The following KIAA1549L variants were observed in gnomAD, a reference collection of about 807,000 sequenced individuals.
KIAA1549L encodes the protein UPF0606 protein KIAA1549L.
In KIAA1549L, 88 loss-of-function variants were observed where a neutral mutation model predicts 160.7. The observed-to-expected ratio is 0.55, with a 90% CI of 0.46 to 0.65. The LOEUF (loss-of-function observed/expected upper bound fraction) is 0.65. Ranked by LOEUF, KIAA1549L falls within the 30% of genes least tolerant of loss-of-function variation. The probability of loss-of-function intolerance (pLI) is 0.00; values close to 1 mark genes in which losing one functional copy is unlikely to be tolerated. For missense variants in KIAA1549L, 2,258 were observed against 2,437.5 expected (o/e 0.93, Z 1.55); for synonymous variants, 950 against 976.7 (o/e 0.97, Z 0.51).
chr11:33,540,698 C>G (rs757328106), intron 1 of KIAA1549L, among the ~76,000 whole-genome samples: 8 of 152,172 alleles, frequency 5.3e-5, no homozygotes, highest in South Asian at 2.1e-4. Flanking sequence ...TGTCTTGGAG[C>G]TATATATGCA....
chr11:33,424,022 C>G (rs947108435), intron 1 of KIAA1549L, among the ~76,000 whole-genome samples: 2 of 143,886 alleles, frequency 1.4e-5, no homozygotes, highest in African/African-American at 5.9e-5. Flanking sequence ...GAATGAGGCT[C>G]TGTCTTGGAA....
Position 33,557,779 on chromosome 11 carries a change from C to T in KIAA1549L, c.3856-1970C>T, listed in dbSNP as rs2133211243. The stretch of plus-strand genomic sequence containing the variant: ...GCGTGTGCCTGTAGTCCCAGCTATC[C>T]AGGAGGCTGAGGTGGGAGGATCGCT... On this transcript the variant is annotated intron_variant, in intron 6 of 20. Transcript: ENST00000658780. 2.0e-5 allele frequency among the ~76,000 whole-genome samples: 3 copies of T among 152,074 alleles called. No individual in the cohort carries two copies. The South Asian group carries it at 6.2e-4, about 32-fold the overall frequency.
At chr11:33,399,450 CT>C (rs1288948169) in intron 1 of KIAA1549L, among the ~76,000 whole-genome samples, 2 of 152,202 alleles carry the variant, frequency 1.3e-5, no homozygotes, top group Non-Finnish European at 2.9e-5. Flanking sequence ...TTTTTATCCT[CT>C]GTTAGTTTTC....
intron 1 of KIAA1549L, among the ~76,000 whole-genome samples, chr11:33,451,693 A>G (rs1203908551): frequency 2.0e-5 from 3 of 152,228 alleles, no homozygotes; most frequent in African/African-American, 7.2e-5. Flanking sequence ...CTCCTAAGCT[A>G]TGTTTCAACA....
chr11:33,611,777 G>A (rs550776405), intron 15 of KIAA1549L, among the ~76,000 whole-genome samples: 2 of 152,186 alleles, frequency 1.3e-5, no homozygotes, highest in Admixed American at 1.3e-4. Flanking sequence ...TGAGAGGTGG[G>A]GCTAAATTTT....
At chr11:33,449,327 G>A (rs1246727031) in intron 1 of KIAA1549L, among the ~76,000 whole-genome samples, 1 of 151,746 alleles carries the variant, frequency 6.6e-6, no homozygotes, top group Non-Finnish European at 1.5e-5. Flanking sequence ...TTACATTTTA[G>A]TGTCTATTAT....
At chr11:33,660,468 C>T (rs183144842) in intron 19 of KIAA1549L, among the ~76,000 whole-genome samples, 52 of 152,124 alleles carry the variant, frequency 3.4e-4, no homozygotes, top group Non-Finnish European at 6.5e-4. Flanking sequence ...AGGAGGCTGA[C>T]GCAGGAGAGT....
Position 33,418,402 on chromosome 11 carries a change from A to G in KIAA1549L, c.238+41513A>G, listed in dbSNP as rs192083245. ...CCTGGCATGGGGTCTGGGCACTAGG[A>G]GGTAGGTATGCTAGAGGAGATGGCA... is the stretch of plus-strand genomic sequence containing the variant. On this transcript the variant is annotated intron_variant, in intron 1 of 20. Transcript: ENST00000658780. Among the ~76,000 whole-genome samples, 31 of 152,156 alleles carry G rather than the reference A, an allele frequency of 2.0e-4. 1 individual carries two copies. The highest frequency in any genetic ancestry group is 6.7e-4 in the African/African-American group (28 of 41,496).
At chr11:33,520,743 CCTCT>C (rs1234876166) in intron 1 of KIAA1549L, among the ~76,000 whole-genome samples, 1 of 101,834 alleles carries the variant, frequency 9.8e-6, no homozygotes, top group African/African-American at 3.4e-5. Context: ...ACACACACTC[CCTCT>C]CTCTCCCCCT....
intron 13 of KIAA1549L, among the ~76,000 whole-genome samples, chr11:33,605,985 C>A (rs374349933): frequency 6.6e-6 from 1 of 152,174 alleles, no homozygotes; most frequent in Non-Finnish European, 1.5e-5. Context: ...TTTAACAGAG[C>A]GTAGGTAGAA....
intron 1 of KIAA1549L, among the ~76,000 whole-genome samples, chr11:33,398,897 GT>G: frequency 6.6e-6 from 1 of 151,028 alleles, no homozygotes; most frequent in South Asian, 2.1e-4. Context: ...ATCAGTTATA[GT>G]CTGAATTGTC....
intron 13 of KIAA1549L, among the ~76,000 whole-genome samples, chr11:33,601,712 A>G (rs1850364200): frequency 6.6e-6 from 1 of 152,224 alleles, no homozygotes; most frequent in Admixed American, 6.5e-5. Context: ...CTGTTATTCT[A>G]AAACTGTTCT....
chr11:33,485,438 A>G (rs1005853567), intron 1 of KIAA1549L, among the ~76,000 whole-genome samples: 3 of 152,206 alleles, frequency 2.0e-5, no homozygotes, highest in Non-Finnish European at 4.4e-5. Context: ...TTAAAGAATA[A>G]GTGATTTTCA....
At chr11:33,483,886 T>C (rs74507018) in intron 1 of KIAA1549L, among the ~76,000 whole-genome samples, 2,828 of 152,316 alleles carry the variant, frequency 0.019, 77 homozygotes, top group African/African-American at 0.062. Flanking sequence ...AATCTTGATA[T>C]GTCTTTATCA....
chr11:33,579,846 C>T lies in KIAA1549L; in HGVS notation c.4403-3492C>T, dbSNP rs150199581. 2.6e-3 allele frequency among the ~76,000 whole-genome samples: 401 copies of T among 152,126 alleles called. 2 individuals are homozygous for T. The highest frequency in any genetic ancestry group is 8.9e-3 in the African/African-American group (370 of 41,484). ...TGTCCACCCCAGGAGCTGATGAGGA[C>T]GAAGATAAGGCCAATGAAGGAGAAG... On this transcript the variant is annotated intron_variant, in intron 10 of 20. Coordinates refer to ENST00000658780, the MANE Select transcript of KIAA1549L (RefSeq NM_012194.3).
chr11:33,622,118 C>T (rs1460275591), intron 16 of KIAA1549L, among the ~76,000 whole-genome samples: 1 of 152,192 alleles, frequency 6.6e-6, no homozygotes, highest in East Asian at 1.9e-4. Flanking sequence ...AAGAGGCGAT[C>T]ACAGTCATTA....
chr11:33,570,316 C>T (rs1022943628), intron 9 of KIAA1549L, among the ~76,000 whole-genome samples: 1 of 152,106 alleles, frequency 6.6e-6, no homozygotes. Context: ...CTCATTTCTT[C>T]TAAGAGCTCA....
intron 1 of KIAA1549L, among the ~76,000 whole-genome samples, chr11:33,526,537 G>T (rs1012122190): frequency 6.6e-5 from 10 of 152,150 alleles, no homozygotes; most frequent in African/African-American, 2.4e-4. Context: ...CTGGAGTCTG[G>T]TAGCCCCGCT....
chr11:33,397,446 C>T (rs969450077), intron 1 of KIAA1549L, among the ~76,000 whole-genome samples: 2 of 151,368 alleles, frequency 1.3e-5, no homozygotes, highest in Non-Finnish European at 2.9e-5. Flanking sequence ...CGCGGTGGCT[C>T]ACGCCTGTAA....
Sources: allele counts gnomAD v4.1 joint callset (sites outside exome capture counted in the v4.1 genomes callset), GRCh38; gene constraint gnomAD v4.1.1; transcripts MANE v1.5; gene names NCBI Gene and HGNC (gene_info 2026-07-23, HGNC 2026-07-21).